Variants in HDAC9 observed in about 807,000 individuals in gnomAD.
HDAC9 encodes the protein histone deacetylase 9.
Under a neutral mutation model 139.4 loss-of-function variants are expected in HDAC9, and 41 were observed. The ratio of observed to expected loss-of-function variants is 0.29; its 90% CI spans 0.23 to 0.38. HDAC9 has a LOEUF of 0.38. HDAC9 is among the 10% of genes least tolerant of loss of function. The pLI is 1.00. For missense variants in HDAC9, 1,147 were observed against 1,297.0 expected, an observed-to-expected ratio of 0.88 and a Z score of 1.78; for synonymous variants, 517 against 476.2, an observed-to-expected ratio of 1.09 and a Z score of -1.12.
intron 21 of HDAC9, among the ~76,000 whole-genome samples, chr7:18,841,541 C>T (rs1332758619): frequency 6.6e-6 from 1 of 152,026 alleles, no homozygotes; most frequent in Non-Finnish European, 1.5e-5. Flanking sequence ...CGGTAGGTTT[C>T]CTGATGTCAC....
intron 22 of HDAC9, among the ~76,000 whole-genome samples, chr7:18,880,310 T>G (rs1338149325): frequency 6.6e-6 from 1 of 152,170 alleles, no homozygotes; most frequent in African/African-American, 2.4e-5. Context: ...TTACTGGGCA[T>G]ATACCCAGAG....
intron 7 of HDAC9, among the ~76,000 whole-genome samples, chr7:18,631,967 A>G (rs1409812723): frequency 6.6e-6 from 1 of 152,014 alleles, no homozygotes; most frequent in Non-Finnish European, 1.5e-5. Context: ...ACATAAGGAA[A>G]TACTTCAGTC....
intron 12 of HDAC9, among the ~76,000 whole-genome samples, chr7:18,717,431 C>CTT (rs59746761): frequency 0.032 from 4,427 of 137,180 alleles, 268 homozygotes; most frequent in African/African-American, 0.11. Context: ...TTACAATTTC[C>CTT]TTTTTTTTTT....
At position 18,954,176 on chromosome 7, in the gene HDAC9, C is replaced by G. The variant is rs1193393115; in HGVS notation, c.2968C>G (p.Gln990Glu). ...GCCACTTGCAGAAGATATTCTCCAC[C>G]AAAGCCCGAATATGAATGCTGTTAT... ...LEPLAEDILHQSPNMNAVISL... is the reference protein window; with the variant it reads ...LEPLAEDILHESPNMNAVISL... The change falls in exon 24 of 26, where the codon CAA (glutamine) becomes GAA (glutamate). Residue 990 changes from glutamine to glutamate, a missense_variant. Gln to Glu is a conservative substitution (Grantham distance 29, BLOSUM62 2). Transcript: ENST00000686413. 6.4e-7 allele frequency: 1 copy of G among 1,574,022 alleles called. No homozygotes were observed. Among genetic ancestry groups the G allele is most frequent in the Non-Finnish European group, 8.7e-7 (1 of 1,154,074 alleles).
intron 12 of HDAC9, among the ~76,000 whole-genome samples, chr7:18,675,058 T>G (rs1196538945): frequency 6.6e-6 from 1 of 152,074 alleles, no homozygotes; most frequent in African/African-American, 2.4e-5. Context: ...CTATAGATAA[T>G]TTTTTAAAGT....
chr7:18,790,577 G>C (rs977633954), intron 16 of HDAC9, among the ~76,000 whole-genome samples: 2 of 152,128 alleles, frequency 1.3e-5, no homozygotes, highest in African/African-American at 4.8e-5. Flanking sequence ...ATGGCAACCT[G>C]AATGGACAAA....
intron 2 of HDAC9, among the ~76,000 whole-genome samples, chr7:18,504,167 AG>A (rs1437604451): frequency 6.6e-6 from 1 of 152,208 alleles, no homozygotes; most frequent in Non-Finnish European, 1.5e-5. Flanking sequence ...TCAAAATTCA[AG>A]GGTGTATTTT....
At chr7:18,110,080 G>A (rs988719352) in intron 1 of HDAC9, among the ~76,000 whole-genome samples, 2 of 152,160 alleles carry the variant, frequency 1.3e-5, no homozygotes, top group African/African-American at 4.8e-5. Flanking sequence ...AAAAATACTT[G>A]GAGTAATGCC....
chr7:18,456,754 A>T (rs1793389487), intron 1 of HDAC9, among the ~76,000 whole-genome samples: 1 of 152,110 alleles, frequency 6.6e-6, no homozygotes, highest in Admixed American at 6.6e-5. Context: ...TACTTACTTA[A>T]ATGGGATGAT....
chr7:18,985,362 T>C (rs1408372056), intron 25 of HDAC9, among the ~76,000 whole-genome samples: 2 of 152,306 alleles, frequency 1.3e-5, no homozygotes, highest in Admixed American at 1.3e-4. Flanking sequence ...GAATGATGTT[T>C]TCCAATTTCA....
chr7:18,915,220 A>G (rs900186968), intron 22 of HDAC9, among the ~76,000 whole-genome samples: 1 of 152,096 alleles, frequency 6.6e-6, no homozygotes, highest in Non-Finnish European at 1.5e-5. Context: ...TTATAAGTAG[A>G]GCATGAAAAC....
chr7:18,175,430 C>G (rs995152932), intron 2 of HDAC9, among the ~76,000 whole-genome samples: 1 of 152,188 alleles, frequency 6.6e-6, no homozygotes, highest in Non-Finnish European at 1.5e-5. Context: ...AGGTGATGCC[C>G]TGCCCTGCTT....
At chr7:18,181,205 A>T (rs1789403934) in intron 2 of HDAC9, among the ~76,000 whole-genome samples, 1 of 152,192 alleles carries the variant, frequency 6.6e-6, no homozygotes, top group Admixed American at 6.5e-5. Flanking sequence ...CTGAAATAAT[A>T]TCTGAAGTCA....
intron 2 of HDAC9, among the ~76,000 whole-genome samples, chr7:18,577,493 A>G (rs1464457471): frequency 1.3e-5 from 2 of 152,186 alleles, no homozygotes; most frequent in African/African-American, 2.4e-5. Flanking sequence ...AACAAATAAC[A>G]TAGGACATTA....
intron 24 of HDAC9, among the ~76,000 whole-genome samples, chr7:18,964,937 C>A (rs1783752518): frequency 6.6e-6 from 1 of 152,194 alleles, no homozygotes; most frequent in Non-Finnish European, 1.5e-5. Context: ...AGAAACAATC[C>A]TTTGAATGCA....
intron 16 of HDAC9, among the ~76,000 whole-genome samples, chr7:18,774,862 G>T (rs1389401677): frequency 6.6e-6 from 1 of 152,026 alleles, no homozygotes; most frequent in Non-Finnish European, 1.5e-5. Context: ...GGGCACAACA[G>T]GTCTAGTTTT....
intron 1 of HDAC9, among the ~76,000 whole-genome samples, chr7:18,131,756 A>G (rs1029649842): frequency 4.7e-4 from 72 of 152,240 alleles, no homozygotes; most frequent in African/African-American, 1.6e-3. Flanking sequence ...CAGTGCTAGC[A>G]AAGGGTTTTA....
At chr7:18,358,115 G>A (rs983100366) in intron 1 of HDAC9, among the ~76,000 whole-genome samples, 11 of 152,138 alleles carry the variant, frequency 7.2e-5, no homozygotes, top group African/African-American at 1.9e-4. Context: ...CTTGAACCCC[G>A]GAGGCAGAGG....
chr7:18,323,079 TTA>T (rs1800148526), intron 1 of HDAC9, among the ~76,000 whole-genome samples: 1 of 152,064 alleles, frequency 6.6e-6, no homozygotes, highest in African/African-American at 2.4e-5. Context: ...CATCAAAGGT[TTA>T]TGTGTTATTT....
Sources: allele counts gnomAD v4.1 joint callset (sites outside exome capture counted in the v4.1 genomes callset), GRCh38; gene constraint gnomAD v4.1.1; transcripts MANE v1.5; gene names NCBI Gene and HGNC (gene_info 2026-07-23, HGNC 2026-07-21).